Variants in FER1L6 observed in about 807,000 individuals in gnomAD.
FER1L6 encodes the protein fer-1 like family member 6.
FER1L6 carries 177 observed loss-of-function variants against 219.2 expected under a neutral mutation model. The ratio of observed to expected loss-of-function variants is 0.81; its 90% CI spans 0.71 to 0.91. The LOEUF is 0.91. Ranked by LOEUF, FER1L6 falls within the 40% of genes least tolerant of loss-of-function variation. The pLI is 0.00. For missense variants in FER1L6, 2,153 were observed against 2,259.9 expected (o/e 0.95, Z 0.96); for synonymous variants, 768 against 824.3 (o/e 0.93, Z 1.17).
chr8:123,882,088 C>T (rs1448783524), intron 1 of FER1L6, among the ~76,000 whole-genome samples: 3 of 151,956 alleles, frequency 2.0e-5, no homozygotes, highest in Admixed American at 2.0e-4. Context: ...TTTAGGGGAA[C>T]CAAAGAAAGA....
At chr8:123,899,743 A>G (rs113418266) in intron 1 of FER1L6, among the ~76,000 whole-genome samples, 4,933 of 152,098 alleles carry the variant, frequency 0.032, 259 homozygotes, top group African/African-American at 0.11. Flanking sequence ...TCCCAGCACC[A>G]TTTGTTGAAA....
rs555664810 is a variant in FER1L6, at chr8:124,056,674, C to T, written c.2875-3506C>T. 7.2e-5 allele frequency among the ~76,000 whole-genome samples: 11 copies of T among 152,282 alleles called. No individual in the cohort carries two copies. In the East Asian group the frequency reaches 2.1e-3, roughly 29 times the overall value. On this transcript the variant is annotated intron_variant, in intron 22 of 40. Transcript: ENST00000522917. ...CTGATTATTGACCTGCTAATGAAGA[C>T]TTTGCAGAAGGCATCCACCCTAAAA...
intron 20 of FER1L6, among the ~76,000 whole-genome samples, chr8:124,042,712 G>A (rs998390676): frequency 3.9e-5 from 6 of 152,124 alleles, no homozygotes; most frequent in South Asian, 2.1e-4. Flanking sequence ...AGTCATAGCC[G>A]AGTGCCACTG....
chr8:124,049,224 T>G (rs892219109), intron 21 of FER1L6, among the ~76,000 whole-genome samples: 3 of 152,036 alleles, frequency 2.0e-5, no homozygotes, highest in Non-Finnish European at 4.4e-5. Flanking sequence ...ATTTTTGTAT[T>G]TTTAGTAGAG....
At chr8:124,008,613 A>G (rs1204737815) in intron 13 of FER1L6, among the ~76,000 whole-genome samples, 1 of 152,248 alleles carries the variant, frequency 6.6e-6, no homozygotes, top group Non-Finnish European at 1.5e-5. Flanking sequence ...AGCAAATGCA[A>G]CAAAAACAAA....
At chr8:123,891,499 G>A (rs1812647154) in intron 1 of FER1L6, among the ~76,000 whole-genome samples, 1 of 151,842 alleles carries the variant, frequency 6.6e-6, no homozygotes, top group South Asian at 2.1e-4. Flanking sequence ...TGATGCTTTT[G>A]GTCACAGTTC....
chr8:124,082,987 ATG>A (rs1007545248), intron 33 of FER1L6, among the ~76,000 whole-genome samples: 315 of 90,036 alleles, frequency 3.5e-3, no homozygotes, highest in African/African-American at 0.014. Context: ...ATAAATGTGT[ATG>A]TGTGTGTGTA....
At chr8:123,859,874 A>C (rs1275688224) in intron 1 of FER1L6, among the ~76,000 whole-genome samples, 1 of 147,120 alleles carries the variant, frequency 6.8e-6, no homozygotes, top group Non-Finnish European at 1.5e-5. Context: ...CCTACAAAGG[A>C]CATGAACTCA....
chr8:123,997,809 T>C (rs747149457), intron 12 of FER1L6, among the ~76,000 whole-genome samples: 45 of 152,252 alleles, frequency 3.0e-4, no homozygotes, highest in Non-Finnish European at 5.1e-4. Context: ...GATGTATTCT[T>C]CAGTATGTTG....
At chr8:123,914,832 ACAACTGGGCCTGACCACG>A (rs1242328520) in intron 1 of FER1L6, among the ~76,000 whole-genome samples, 1 of 152,186 alleles carries the variant, frequency 6.6e-6, no homozygotes, top group Non-Finnish European at 1.5e-5. Flanking sequence ...GCCAGGAGGG[ACAACTGGGCCTGACCACG>A]CATCTAAAAG....
rs1039922245 is a variant in FER1L6, at chr8:124,049,612, G to A, written c.2730G>A (p.Lys910=). The A allele has an allele frequency of 4.3e-6, 7 of 1,613,696 alleles. No homozygotes were observed. The highest frequency in any genetic ancestry group is 1.1e-5 in the South Asian group (1 of 91,050). ...TCATTTCTTTTCTTCTTTAGGGGAA[G>A]CCAGAATATTTGGGTGCCACAGTGG... ...VELYDSDAVG[K]PEYLGATVAA... Residue 910 remains lysine (K), a synonymous_variant, in exon 22 of 41, where the codon AAG becomes AAA. Coordinates refer to ENST00000522917, the MANE Select transcript of FER1L6 (RefSeq NM_001039112.2).
At chr8:123,920,482 C>G (rs1813327972) in intron 1 of FER1L6, among the ~76,000 whole-genome samples, 1 of 152,196 alleles carries the variant, frequency 6.6e-6, no homozygotes, top group South Asian at 2.1e-4. Context: ...TCTGTGGTCC[C>G]AAGAGTTGGA....
intron 1 of FER1L6, among the ~76,000 whole-genome samples, chr8:123,948,410 T>C (rs2130056084): frequency 6.6e-6 from 1 of 152,352 alleles, no homozygotes; most frequent in African/African-American, 2.4e-5. Flanking sequence ...AAAGGAAATG[T>C]AGTAAATAAT....
intron 1 of FER1L6, among the ~76,000 whole-genome samples, chr8:123,898,715 G>A (rs1014907549): frequency 6.2e-4 from 86 of 139,008 alleles, no homozygotes; most frequent in Non-Finnish European, 1.0e-3. Flanking sequence ...ACGTATATAC[G>A]TATATGTGTA....
At chr8:124,117,634 T>C (rs1472802005) in intron 39 of FER1L6, among the ~76,000 whole-genome samples, 2 of 152,208 alleles carry the variant, frequency 1.3e-5, no homozygotes, top group African/African-American at 4.8e-5. Context: ...TTACCTGTAA[T>C]AAAAGTCCAC....
At chr8:123,855,309 A>G (rs956358146) in intron 1 of FER1L6, among the ~76,000 whole-genome samples, 1 of 152,148 alleles carries the variant, frequency 6.6e-6, no homozygotes, top group African/African-American at 2.4e-5. Context: ...CACAAATGGC[A>G]TTCCATTTAA....
chr8:124,093,554 T>A (rs1028456911), intron 34 of FER1L6, among the ~76,000 whole-genome samples: 2 of 152,102 alleles, frequency 1.3e-5, no homozygotes, highest in African/African-American at 2.4e-5. Flanking sequence ...AGGACATTAA[T>A]GATATATTGA....
Position 123,975,222 on chromosome 8 carries a change from T to A in FER1L6, c.599T>A (p.Leu200Gln). 1 of 1,613,104 alleles carries A rather than the reference T, an allele frequency of 6.2e-7. No individual in the cohort carries two copies. Among genetic ancestry groups the A allele is most frequent in the Non-Finnish European group, 8.5e-7 (1 of 1,179,734 alleles). The change falls in exon 8 of 41, where the codon CTG becomes CAG. Residue 200 changes from leucine to glutamine, a missense_variant. Physicochemically the swap from Leu to Gln is moderately radical, Grantham distance 113. Transcript: ENST00000522917. Reference sequence around the variant, plus strand: ...ATCAGGACTGGCACCAAGGGGTACCTGAAATGTGACATCAGTGTCATGGGA... The same window carrying A: ...ATCAGGACTGGCACCAAGGGGTACCAGAAATGTGACATCAGTGTCATGGGA... ...GDIRTGTKGY[L>Q]KCDISVMGKG...
At chr8:124,020,468 G>C (rs1358553605) in intron 16 of FER1L6, among the ~76,000 whole-genome samples, 1 of 152,194 alleles carries the variant, frequency 6.6e-6, no homozygotes, top group African/African-American at 2.4e-5. Flanking sequence ...CAGGGCCTTA[G>C]AAGTCACTGT....
Sources: gnomAD v4.1 joint callset for allele counts (sites outside exome capture counted in the v4.1 genomes callset) on GRCh38, gnomAD v4.1.1 for gene constraint, MANE v1.5 for transcripts, NCBI Gene and HGNC (gene_info 2026-07-23, HGNC 2026-07-21) for gene names.